TRIP4: variants seen among roughly 807,000 people sequenced by gnomAD.
The protein encoded by TRIP4 is thyroid hormone receptor interactor 4.
TRIP4 carries 54 observed loss-of-function variants against 81.8 expected under a neutral mutation model. That is an observed-to-expected ratio of 0.66 (90% CI 0.53 to 0.83). TRIP4 has a LOEUF of 0.83. Ranked by LOEUF, TRIP4 falls within the 40% of genes least tolerant of loss-of-function variation. TRIP4 has a pLI of 0.00. For missense variants in TRIP4, 662 were observed against 683.6 expected (o/e 0.97, Z 0.35); for synonymous variants, 270 against 242.8 (o/e 1.11, Z -1.04).
intron 12 of TRIP4, among the ~76,000 whole-genome samples, chr15:64,448,079 C>T (rs1892673951): frequency 6.6e-6 from 1 of 152,172 alleles, no homozygotes; most frequent in Admixed American, 6.5e-5. Context: ...ATTTCATTCT[C>T]ACCTTCCTCT....
intron 4 of TRIP4, among the ~76,000 whole-genome samples, chr15:64,400,496 C>G (rs1263809826): frequency 6.9e-6 from 1 of 145,458 alleles, no homozygotes; most frequent in Non-Finnish European, 1.5e-5. Context: ...TTTTCTAAAC[C>G]ATTAAGTCAT....
intron 5 of TRIP4, among the ~76,000 whole-genome samples, chr15:64,402,948 C>T (rs1329107114): frequency 1.3e-5 from 2 of 152,024 alleles, no homozygotes; most frequent in Non-Finnish European, 2.9e-5. Context: ...CAAGCTCCAT[C>T]TCCCAGGTTC....
At chr15:64,445,828 C>G (rs1250984240) in intron 12 of TRIP4, among the ~76,000 whole-genome samples, 1 of 152,148 alleles carries the variant, frequency 6.6e-6, no homozygotes, top group Non-Finnish European at 1.5e-5. Context: ...GTAAGTCGCT[C>G]TAAACTTCAA....
At chr15:64,411,973 C>G (rs910789856) in intron 7 of TRIP4, among the ~76,000 whole-genome samples, 1 of 152,128 alleles carries the variant, frequency 6.6e-6, no homozygotes, top group African/African-American at 2.4e-5. Flanking sequence ...AACCACTGCG[C>G]CCGGCACTAA....
rs1300606883 is a variant in TRIP4 at position 64,394,024 on chromosome 15, A to G, written c.180A>G (p.Lys60=). The part of the protein sequence containing the change: ...TDLLQGNEGK[K]GQFIEELITK... The stretch of plus-strand genomic sequence containing the variant: ...TCCTCCAGGGAAATGAAGGCAAAAA[A>G]GGTCAATTCATAGAAGAACTTATAA... Residue 60 remains lysine (K), a synonymous_variant, in exon 2 of 13, where the codon AAA becomes AAG. Transcript: ENST00000261884. 6.2e-7 allele frequency: 1 copy of G among 1,612,516 alleles called. No homozygotes were observed. Among genetic ancestry groups the G allele is most frequent in the South Asian group, 1.1e-5 (1 of 90,782 alleles).
In TRIP4 at chr15:64,425,501, A is replaced by T. The variant is rs764186074; in HGVS notation, c.1484-39A>T. Reference sequence around the variant, plus strand: ...ATTCCTGAGTTCCAAGATCACAAAGAAGGAAATTTATTCAATATTTTTGTT... The same window carrying T: ...ATTCCTGAGTTCCAAGATCACAAAGTAGGAAATTTATTCAATATTTTTGTT... On this transcript the variant is annotated intron_variant, in intron 10 of 12. Transcript: ENST00000261884. 7 of 1,542,546 alleles carry T rather than the reference A, an allele frequency of 4.5e-6. No individual in the cohort carries two copies. In the Admixed American group the frequency reaches 1.3e-4, roughly 28 times the overall value.
Position 64,445,124 on chromosome 15 carries a change from TTTTC to T in TRIP4, c.1678+20_1678+23del. 1 of 1,501,402 alleles carries T rather than the reference TTTTC, an allele frequency of 6.7e-7. No homozygotes were observed. Among genetic ancestry groups the T allele is most frequent in the Non-Finnish European group, 9.2e-7 (1 of 1,086,864 alleles). The allele number at this position is 1,501,402 out of a possible 1,614,324, so 93.0% of individuals were successfully genotyped here. On this transcript the variant is annotated intron_variant, in intron 12 of 12. Coordinates refer to ENST00000261884, the MANE Select transcript of TRIP4 (RefSeq NM_016213.5). ...CCAAAAATCTGTAAGTCATGATTTTTTTTCTTTAAGACTAGTCAAGTGCAGTAGT... is the reference window on the plus strand; with the variant it reads ...CCAAAAATCTGTAAGTCATGATTTTTTTTAAGACTAGTCAAGTGCAGTAGT...
At chr15:64,396,450 T>C (rs542968026) in intron 3 of TRIP4, among the ~76,000 whole-genome samples, 1 of 151,730 alleles carries the variant, frequency 6.6e-6, no homozygotes, top group Non-Finnish European at 1.5e-5. Context: ...AGCTAATTTT[T>C]GTATTTTTAG....
At chr15:64,429,375 C>G (rs1395608294) in intron 11 of TRIP4, among the ~76,000 whole-genome samples, 1 of 152,016 alleles carries the variant, frequency 6.6e-6, no homozygotes, top group African/African-American at 2.4e-5. Flanking sequence ...ATTATACCAG[C>G]CTCATTCTTG....
chr15:64,410,924 A>G (rs897849004), intron 7 of TRIP4, among the ~76,000 whole-genome samples: 2 of 152,232 alleles, frequency 1.3e-5, no homozygotes, highest in African/African-American at 4.8e-5. Flanking sequence ...ATAGCCAGTA[A>G]CATTTGAAAA....
intron 11 of TRIP4, among the ~76,000 whole-genome samples, chr15:64,432,284 T>C (rs1892295334): frequency 6.6e-6 from 1 of 152,138 alleles, no homozygotes; most frequent in African/African-American, 2.4e-5. Flanking sequence ...AAAATAAACA[T>C]GAAATTCTTA....
intron 3 of TRIP4, among the ~76,000 whole-genome samples, chr15:64,396,567 CTG>C (rs1297955281): frequency 2.0e-5 from 3 of 152,206 alleles, no homozygotes; most frequent in Non-Finnish European, 2.9e-5. Flanking sequence ...GCATGAGCAA[CTG>C]TGCCCAGCCA....
At position 64,397,604 on chromosome 15, in the gene TRIP4, A is replaced by T; in HGVS notation, c.406-2A>T. On this transcript the variant is annotated splice_acceptor_variant, in intron 3 of 12. Coordinates refer to ENST00000261884, the MANE Select transcript of TRIP4 (RefSeq NM_016213.5). LOFTEE classifies it high-confidence loss of function. ...TGTTATTTTGATGTCTTTGTACGATAGGCACAAGAGAACAGCAACTCCGTA... is the reference window on the plus strand; with the variant it reads ...TGTTATTTTGATGTCTTTGTACGATTGGCACAAGAGAACAGCAACTCCGTA... 3 of 1,610,026 alleles carry T rather than the reference A, an allele frequency of 1.9e-6. No homozygotes were observed. Among genetic ancestry groups the T allele is most frequent in the Non-Finnish European group, 2.5e-6 (3 of 1,176,522 alleles).
intron 1 of TRIP4, 182 bp from the exon 2 acceptor site, chr15:64,393,764 T>A: frequency 6.9e-6 from 3 of 431,728 alleles, no homozygotes; most frequent in Non-Finnish European, 1.2e-5. Flanking sequence ...TAAGTGTATG[T>A]ATGTATACAT....
intron 12 of TRIP4, chr15:64,450,919 A>G: frequency 4.2e-6 from 1 of 238,500 alleles, no homozygotes; most frequent in Non-Finnish European, 8.9e-6. Context: ...GTAAAGCTTT[A>G]AGAATGTGAA....
At chr15:64,451,964 A>C (rs1263579070) in intron 12 of TRIP4, among the ~76,000 whole-genome samples, 2 of 150,002 alleles carry the variant, frequency 1.3e-5, no homozygotes, top group Admixed American at 6.6e-5. Context: ...AAAAAAAAAA[A>C]AAAATTTTTT....
intron 11 of TRIP4, among the ~76,000 whole-genome samples, chr15:64,441,500 G>A (rs1459119301): frequency 2.0e-5 from 3 of 150,020 alleles, no homozygotes; most frequent in East Asian, 4.1e-4. Context: ...AGGGCCGGGC[G>A]TGGTGGCTCA....
intron 9 of TRIP4, among the ~76,000 whole-genome samples, chr15:64,420,619 G>A (rs1448558357): frequency 6.6e-6 from 1 of 151,516 alleles, no homozygotes; most frequent in East Asian, 2.0e-4. Context: ...CGCCTCCCAG[G>A]TTCACACCTT....
At chr15:64,413,140 T>A (rs976875905) in intron 7 of TRIP4, among the ~76,000 whole-genome samples, 2 of 152,040 alleles carry the variant, frequency 1.3e-5, no homozygotes, top group African/African-American at 4.8e-5. Context: ...GTATAGGTTG[T>A]ATTGCGAAGA....
Sources: allele counts gnomAD v4.1 joint callset (sites outside exome capture counted in the v4.1 genomes callset), GRCh38; gene constraint gnomAD v4.1.1; transcripts MANE v1.5; gene names NCBI Gene and HGNC (gene_info 2026-07-23, HGNC 2026-07-21).